The following ATG4C variants were observed in gnomAD, a reference collection of about 807,000 sequenced individuals.
The protein encoded by ATG4C is autophagy related 4C cysteine peptidase.
Under a neutral mutation model 57.6 loss-of-function variants are expected in ATG4C, and 56 were observed. The observed-to-expected ratio is 0.97, with a 90% confidence interval of 0.78 to 1.21. The LOEUF is 1.21. Among genes scored for constraint, ATG4C ranks in the 50% most tolerant of loss-of-function variants. The pLI is 0.00. For synonymous variants in ATG4C, 157 were observed against 174.1 expected, an observed-to-expected ratio of 0.90 and a Z score of 0.78; for missense variants, 595 against 529.8, an observed-to-expected ratio of 1.12 and a Z score of -1.21.
chr1:62,801,458 G>A (rs1227588680), intron 1 of ATG4C, among the ~76,000 whole-genome samples: 1 of 152,130 alleles, frequency 6.6e-6, no homozygotes, highest in Non-Finnish European at 1.5e-5. Context: ...ACAGTGCCTG[G>A]CAATAATTTA....
intron 6 of ATG4C, among the ~76,000 whole-genome samples, chr1:62,827,772 T>C (rs892743968): frequency 6.6e-6 from 1 of 150,536 alleles, no homozygotes; most frequent in African/African-American, 2.4e-5. Context: ...TTAAGCCTGG[T>C]ACCCAGTAGT....
At chr1:62,850,486 C>G (rs1466399009) in intron 10 of ATG4C, among the ~76,000 whole-genome samples, 2 of 152,048 alleles carry the variant, frequency 1.3e-5, no homozygotes, top group East Asian at 3.9e-4. Flanking sequence ...TCTTACAAAC[C>G]CACAAGGCTT....
chr1:62,827,370 C>T (rs1392385657), intron 6 of ATG4C, among the ~76,000 whole-genome samples: 2 of 152,148 alleles, frequency 1.3e-5, no homozygotes, highest in Non-Finnish European at 2.9e-5. Context: ...CCCTAGGTAT[C>T]TGTCTGTATT....
chr1:62,794,799 A>T (rs1255635367), intron 1 of ATG4C, among the ~76,000 whole-genome samples: 1 of 152,226 alleles, frequency 6.6e-6, no homozygotes, highest in Non-Finnish European at 1.5e-5. Context: ...GAAGAGAAGG[A>T]ATAGAAATGG....
At chr1:62,818,945 G>GTAGAATTTT (rs1665379715) in intron 4 of ATG4C, 60 bp from the exon 5 acceptor site, 4 of 1,299,744 alleles carry the variant, frequency 3.1e-6, no homozygotes, top group Admixed American at 2.5e-5. Context: ...ATTTATTTTA[G>GTAGAATTTT]TAGAATTGTT....
At chr1:62,857,072 C>T (rs1981067) in intron 10 of ATG4C, among the ~76,000 whole-genome samples, 68,503 of 151,782 alleles carry the variant, frequency 0.45, 15,576 homozygotes, top group East Asian at 0.66. Flanking sequence ...GAGTGCTCTT[C>T]GCCCAGAACT....
intron 1 of ATG4C, among the ~76,000 whole-genome samples, chr1:62,802,484 ATCCAAACACT>A (rs1272786930): frequency 6.6e-6 from 1 of 151,782 alleles, no homozygotes; most frequent in Non-Finnish European, 1.5e-5. Context: ...AAAAAAAGAA[ATCCAAACACT>A]TCCAGTCCCA....
intron 1 of ATG4C, among the ~76,000 whole-genome samples, chr1:62,802,478 AAAG>A (rs1664713293): frequency 6.6e-6 from 1 of 151,970 alleles, no homozygotes; most frequent in African/African-American, 2.4e-5. Flanking sequence ...AAAAAAAAAA[AAAG>A]AAATCCAAAC....
chr1:62,850,810 C>T (rs1235242995), intron 10 of ATG4C, among the ~76,000 whole-genome samples: 4 of 133,470 alleles, frequency 3.0e-5, no homozygotes, highest in African/African-American at 5.4e-5. Context: ...TACACATATA[C>T]GTATATATTC....
chr1:62,827,307 C>T (rs1250818470), intron 6 of ATG4C, among the ~76,000 whole-genome samples: 1 of 152,084 alleles, frequency 6.6e-6, no homozygotes, highest in Non-Finnish European at 1.5e-5. Context: ...GCTAATTATA[C>T]TTCTGCCTTA....
intron 6 of ATG4C, among the ~76,000 whole-genome samples, chr1:62,825,863 T>C (rs1398915200): frequency 1.3e-5 from 2 of 152,168 alleles, no homozygotes; most frequent in Non-Finnish European, 2.9e-5. Context: ...CTCTCACATC[T>C]TACATTTAAT....
intron 9 of ATG4C, among the ~76,000 whole-genome samples, chr1:62,837,849 T>C (rs899395293): frequency 2.6e-5 from 4 of 152,132 alleles, no homozygotes; most frequent in African/African-American, 7.2e-5. Flanking sequence ...TGGAGCGTAG[T>C]GTGTAATCTC....
At chr1:62,793,626 AAAAC>A (rs1323202644) in intron 1 of ATG4C, among the ~76,000 whole-genome samples, 6 of 149,578 alleles carry the variant, frequency 4.0e-5, no homozygotes, top group Non-Finnish European at 5.9e-5. Context: ...AAAAACCAAA[AAAAC>A]AAACAAAAAA....
chr1:62,810,462 T>C (rs1665044905), intron 3 of ATG4C, among the ~76,000 whole-genome samples: 1 of 152,226 alleles, frequency 6.6e-6, no homozygotes, highest in East Asian at 1.9e-4. Context: ...TAACATTTTC[T>C]TTTTGTCATT....
chr1:62,834,519 GTGTT>G (rs956823366), intron 8 of ATG4C, among the ~76,000 whole-genome samples: 45 of 152,032 alleles, frequency 3.0e-4, no homozygotes, highest in African/African-American at 1.1e-3. Context: ...ATATAATTGT[GTGTT>G]TGTGAAAGCA....
At chr1:62,828,699 C>T (rs574326280) in intron 6 of ATG4C, among the ~76,000 whole-genome samples, 13 of 152,124 alleles carry the variant, frequency 8.5e-5, no homozygotes, top group African/African-American at 1.7e-4. Flanking sequence ...CGATTGTTTT[C>T]GGTATCTTTG....
chr1:62,787,332 T>A (rs1024913324), intron 1 of ATG4C, among the ~76,000 whole-genome samples: 4 of 152,228 alleles, frequency 2.6e-5, no homozygotes, highest in African/African-American at 9.6e-5. Context: ...GTTTTGAATC[T>A]ATCTGTAATA....
intron 10 of ATG4C, among the ~76,000 whole-genome samples, chr1:62,861,654 C>A (rs1376374495): frequency 6.6e-6 from 1 of 151,290 alleles, no homozygotes; most frequent in African/African-American, 2.4e-5. Flanking sequence ...TGAGAAAAAT[C>A]ACTGTTTCAT....
intron 6 of ATG4C, among the ~76,000 whole-genome samples, chr1:62,826,915 C>T (rs549592025): frequency 5.3e-5 from 8 of 152,228 alleles, no homozygotes; most frequent in African/African-American, 1.2e-4. Flanking sequence ...ATAACTGCAG[C>T]GGCTTTGTAA....
Sources: allele counts gnomAD v4.1 joint callset (sites outside exome capture counted in the v4.1 genomes callset), GRCh38; gene constraint gnomAD v4.1.1; transcripts MANE v1.5; gene names NCBI Gene and HGNC (gene_info 2026-07-23, HGNC 2026-07-21).